The following TNS1 variants were observed in gnomAD, a reference collection of about 807,000 sequenced individuals.
The protein encoded by TNS1 is tensin-1.
In TNS1, 62 loss-of-function variants were observed where a neutral mutation model predicts 168.6. The ratio of observed to expected loss-of-function variants is 0.37; its 90% CI spans 0.30 to 0.45. The LOEUF (loss-of-function observed/expected upper bound fraction) is 0.45, where lower values mean the gene tolerates loss of function less well. Ranked by LOEUF, TNS1 falls within the 20% of genes least tolerant of loss-of-function variation. The pLI, the probability that TNS1 is intolerant of heterozygous loss-of-function variation, is 1.00. For synonymous variants in TNS1, 934 were observed against 933.2 expected (o/e 1.00, Z -0.02); for missense variants, 2,240 against 2,339.4 (o/e 0.96, Z 0.88).
At chr2:217,938,230 G>A (rs1044794684) in intron 3 of TNS1, among the ~76,000 whole-genome samples, 3 of 152,210 alleles carry the variant, frequency 2.0e-5, no homozygotes, top group South Asian at 2.1e-4. Context: ...GTTCACCCCC[G>A]ACCCAGAGCA....
At chr2:218,022,926 G>A (rs1217312225) in intron 1 of TNS1, among the ~76,000 whole-genome samples, 1 of 152,090 alleles carries the variant, frequency 6.6e-6, no homozygotes, top group Non-Finnish European at 1.5e-5. Flanking sequence ...AGGGAGCTGG[G>A]CTTCCTCGCC....
intron 18 of TNS1, among the ~76,000 whole-genome samples, chr2:217,862,334 C>A (rs1057122882): frequency 7.9e-5 from 12 of 152,112 alleles, no homozygotes; most frequent in Admixed American, 7.9e-4. Context: ...GGAGAAAAGT[C>A]TTTCCCAATA....
chr2:217,808,851 A>G (rs541239186), intron 30 of TNS1, among the ~76,000 whole-genome samples, 180 bp from the exon 31 acceptor site: 11 of 152,308 alleles, frequency 7.2e-5, no homozygotes, highest in African/African-American at 2.6e-4. Flanking sequence ...CAATGTACAG[A>G]GACAGATGTG....
chr2:217,850,288 G>C lies in TNS1; in HGVS notation c.1430-1201C>G. The C allele has an allele frequency of 3.0e-6, 3 of 985,374 alleles. 1 individual carries two copies. The African/African-American group carries it at 5.2e-5, about 17-fold the overall frequency. The allele number at this position is 985,374 out of a possible 1,614,324, so 61.0% of individuals were successfully genotyped here. On this transcript the variant is annotated intron_variant, in intron 18 of 32. Coordinates refer to ENST00000682258, the MANE Select transcript of TNS1 (RefSeq NM_001387777.1). ...GAGGGGACACGCTTTTCCTATGCTG[G>C]AGGATGGGGGGCATATAGGGTGCTG...
intron 18 of TNS1, among the ~76,000 whole-genome samples, chr2:217,864,608 G>A (rs1040947349): frequency 6.6e-6 from 1 of 152,148 alleles, no homozygotes; most frequent in South Asian, 2.1e-4. Flanking sequence ...TCACAATGCT[G>A]GTTTATAACA....
intron 1 of TNS1, among the ~76,000 whole-genome samples, chr2:218,029,190 C>T (rs950914577): frequency 6.6e-6 from 1 of 151,666 alleles, no homozygotes. Flanking sequence ...GACTCCAGAG[C>T]TTCTTTCTCC....
intron 19 of TNS1, among the ~76,000 whole-genome samples, chr2:217,841,779 G>A (rs905925689): frequency 1.3e-5 from 2 of 152,102 alleles, no homozygotes; most frequent in African/African-American, 4.8e-5. Context: ...CTGAGCCCAA[G>A]GGTCACCCTC....
intron 3 of TNS1, among the ~76,000 whole-genome samples, chr2:217,969,377 CAG>C (rs1553622088): frequency 1.3e-5 from 2 of 152,022 alleles, no homozygotes; most frequent in East Asian, 1.9e-4. Context: ...CAGAAGAAAA[CAG>C]GGGTAAATCT....
At chr2:217,954,843 C>T (rs1957322437) in intron 3 of TNS1, among the ~76,000 whole-genome samples, 1 of 152,212 alleles carries the variant, frequency 6.6e-6, no homozygotes, top group African/African-American at 2.4e-5. Flanking sequence ...GGTGCCCACA[C>T]ACTCTCATGA....
intron 3 of TNS1, among the ~76,000 whole-genome samples, chr2:217,939,393 C>T (rs1255173374): frequency 1.3e-5 from 2 of 152,190 alleles, no homozygotes; most frequent in Non-Finnish European, 2.9e-5. Context: ...CCATGTTGAG[C>T]GGCACTCTGC....
At chr2:217,990,822 A>C in intron 2 of TNS1, 120 bp downstream of exon 2, 1 of 413,988 alleles carries the variant, frequency 2.4e-6, no homozygotes, top group Non-Finnish European at 4.4e-6. Flanking sequence ...AGATGAGAAC[A>C]AGGCGTCAGG....
intron 2 of TNS1, 32 bp from the exon 3 acceptor site, chr2:217,978,834 T>C: frequency 1.4e-6 from 1 of 701,792 alleles, no homozygotes; most frequent in South Asian, 1.5e-5. Flanking sequence ...AAAGAAAGTT[T>C]TAGCCGCGAG....
upstream of TNS1, among the ~76,000 whole-genome samples, chr2:218,014,839 A>C (rs1958741042): frequency 6.7e-6 from 1 of 149,826 alleles, no homozygotes; most frequent in Admixed American, 6.6e-5. Context: ...GTTATTCAGT[A>C]AGTTAAAGGA....
intron 22 of TNS1, chr2:217,829,859 C>A (rs1331841929): frequency 6.2e-7 from 1 of 1,614,088 alleles, no homozygotes; most frequent in Non-Finnish European, 8.5e-7. Context: ...GACAGCCTGA[C>A]CACCACCTTC....
intron 18 of TNS1, among the ~76,000 whole-genome samples, chr2:217,876,360 G>A (rs1950203234): frequency 6.6e-6 from 1 of 152,204 alleles, no homozygotes; most frequent in Admixed American, 6.5e-5. Flanking sequence ...TCAGAACTCA[G>A]GCCAAGTTGC....
At chr2:217,872,698 G>A (rs1014137619) in intron 18 of TNS1, among the ~76,000 whole-genome samples, 3 of 152,182 alleles carry the variant, frequency 2.0e-5, no homozygotes, top group African/African-American at 7.2e-5. Flanking sequence ...ATCTACCCAA[G>A]AGCAATGACA....
chr2:217,974,556 A>G (rs954771850), intron 3 of TNS1, among the ~76,000 whole-genome samples: 2 of 152,110 alleles, frequency 1.3e-5, no homozygotes, highest in African/African-American at 4.8e-5. Context: ...CATAGATAAC[A>G]TTGACTATGA....
intron 19 of TNS1, chr2:217,841,319 G>C (rs1945929056): frequency 2.0e-6 from 2 of 980,002 alleles, no homozygotes; most frequent in East Asian, 2.3e-4. Flanking sequence ...AGCCAGCAGG[G>C]AGTGGGAGGC....
intron 3 of TNS1, among the ~76,000 whole-genome samples, chr2:217,973,929 G>A (rs1559395321): frequency 3.3e-5 from 5 of 152,344 alleles, no homozygotes; most frequent in South Asian, 4.1e-4. Context: ...GTTTCTTCAC[G>A]TAATGGAATA....
Sources: allele counts gnomAD v4.1 joint callset (sites outside exome capture counted in the v4.1 genomes callset), GRCh38; gene constraint gnomAD v4.1.1; transcripts MANE v1.5; gene names NCBI Gene and HGNC (gene_info 2026-07-23, HGNC 2026-07-21).